Variants in PRKCE observed in about 807,000 individuals in gnomAD.
PRKCE encodes the protein protein kinase C epsilon, also known as protein kinase C epsilon type.
A neutral mutation model predicts 85.4 loss-of-function variants in PRKCE; 16 were observed. The observed-to-expected ratio is 0.19, with a 90% confidence interval of 0.13 to 0.28. PRKCE has a LOEUF of 0.28. Ranked by LOEUF, PRKCE falls within the 10% of genes least tolerant of loss-of-function variation. The probability of loss-of-function intolerance (pLI) is 1.00; values close to 1 mark genes in which losing one functional copy is unlikely to be tolerated. For missense variants in PRKCE, 573 were observed against 975.2 expected (o/e 0.59, Z 5.49); for synonymous variants, 388 against 371.5 (o/e 1.04, Z -0.51).
chr2:45,927,519 G>A (rs1021940491), intron 2 of PRKCE, among the ~76,000 whole-genome samples: 42 of 152,134 alleles, frequency 2.8e-4, no homozygotes, highest in Admixed American at 5.2e-4. Context: ...CTGAGTCCAA[G>A]GGCCATAACT....
chr2:46,120,416 A>T (rs777686711), intron 11 of PRKCE, among the ~76,000 whole-genome samples: 2 of 152,176 alleles, frequency 1.3e-5, no homozygotes, highest in African/African-American at 4.8e-5. Flanking sequence ...GGTCCTCACA[A>T]CAAAGATTTA....
chr2:45,988,258 A>G (rs997582882), intron 6 of PRKCE, among the ~76,000 whole-genome samples: 1 of 152,164 alleles, frequency 6.6e-6, no homozygotes, highest in African/African-American at 2.4e-5. Flanking sequence ...GAAATAGATT[A>G]CAGTATTTTC....
At chr2:46,048,456 G>T (rs969673453) in intron 10 of PRKCE, among the ~76,000 whole-genome samples, 1 of 152,182 alleles carries the variant, frequency 6.6e-6, no homozygotes, top group Admixed American at 6.5e-5. Flanking sequence ...TCCATATGGG[G>T]TTCACTGGGC....
At chr2:46,134,825 C>T (rs765132728) in intron 11 of PRKCE, among the ~76,000 whole-genome samples, 11 of 152,216 alleles carry the variant, frequency 7.2e-5, no homozygotes, top group African/African-American at 7.2e-5. Context: ...AGTGTCACGA[C>T]GGATCGTCAG....
chr2:45,882,470 C>G (rs1260259104), intron 2 of PRKCE, among the ~76,000 whole-genome samples: 1 of 152,326 alleles, frequency 6.6e-6, no homozygotes, highest in East Asian at 1.9e-4. Flanking sequence ...GGGTCCTCCT[C>G]CATTGCTGGG....
chr2:46,157,470 C>G (rs1401146696), intron 13 of PRKCE, among the ~76,000 whole-genome samples: 1 of 152,218 alleles, frequency 6.6e-6, no homozygotes, highest in Admixed American at 6.5e-5. Context: ...CAGGTAGAGG[C>G]CATGGAGGCT....
chr2:45,998,136 GT>G (rs901000373), intron 6 of PRKCE, among the ~76,000 whole-genome samples: 27 of 152,280 alleles, frequency 1.8e-4, no homozygotes, highest in African/African-American at 5.5e-4. Flanking sequence ...ACCGAATGAA[GT>G]TGTTGATAGA....
intron 11 of PRKCE, among the ~76,000 whole-genome samples, chr2:46,133,982 T>C (rs79708734): frequency 0.023 from 3,531 of 152,246 alleles, 74 homozygotes; most frequent in South Asian, 0.068. Flanking sequence ...AAGAGGGTGT[T>C]GCTTGGTTCT....
intron 1 of PRKCE, among the ~76,000 whole-genome samples, chr2:45,730,558 C>T (rs983396797): frequency 1.3e-5 from 2 of 150,764 alleles, no homozygotes; most frequent in African/African-American, 4.9e-5. Context: ...CTCCTGGGTT[C>T]AGGCAATTCT....
At chr2:45,954,806 T>C (rs926314980) in intron 2 of PRKCE, among the ~76,000 whole-genome samples, 1 of 152,216 alleles carries the variant, frequency 6.6e-6, no homozygotes, top group Admixed American at 6.5e-5. Flanking sequence ...AGCTTTTATT[T>C]TGTGAAAAGA....
intron 2 of PRKCE, among the ~76,000 whole-genome samples, chr2:45,908,871 A>C (rs1697179457): frequency 6.6e-6 from 1 of 152,160 alleles, no homozygotes; most frequent in Admixed American, 6.5e-5. Flanking sequence ...TACAGTGGGC[A>C]GATTCATACC....
At chr2:45,949,464 A>G (rs571906713) in intron 2 of PRKCE, among the ~76,000 whole-genome samples, 49 of 106,540 alleles carry the variant, frequency 4.6e-4, no homozygotes, top group Non-Finnish European at 6.4e-4. Context: ...TTTTTAATAT[A>G]CATTGAACTA....
At chr2:46,161,633 G>A (rs993162098) in intron 14 of PRKCE, among the ~76,000 whole-genome samples, 1 of 152,148 alleles carries the variant, frequency 6.6e-6, no homozygotes, top group Non-Finnish European at 1.5e-5. Context: ...CAAGGGGTGT[G>A]AGGAGAGAGA....
intron 1 of PRKCE, among the ~76,000 whole-genome samples, chr2:45,825,928 C>T (rs13406325): frequency 0.092 from 13,822 of 150,126 alleles, 885 homozygotes; most frequent in African/African-American, 0.18. Context: ...TTGGCAGGGA[C>T]GGGGGGATGG....
chr2:45,934,915 G>GC (rs1699319403), intron 2 of PRKCE, among the ~76,000 whole-genome samples: 1 of 150,956 alleles, frequency 6.6e-6, no homozygotes, highest in Non-Finnish European at 1.5e-5. Context: ...ATTTAAATTA[G>GC]CCAGGCATGG....
chr2:45,920,676 C>T (rs1015889679), intron 2 of PRKCE, among the ~76,000 whole-genome samples: 1 of 152,046 alleles, frequency 6.6e-6, no homozygotes, highest in Admixed American at 6.6e-5. Flanking sequence ...ATGTCCAGAA[C>T]AGGGAAATCC....
chr2:45,699,785 A>G (rs770006262), intron 1 of PRKCE, among the ~76,000 whole-genome samples: 1 of 152,058 alleles, frequency 6.6e-6, no homozygotes, highest in Non-Finnish European at 1.5e-5. Flanking sequence ...CTTAGAGGAG[A>G]CTGTGCTGTT....
At chr2:45,988,861 T>G (rs1703563557) in intron 6 of PRKCE, among the ~76,000 whole-genome samples, 1 of 152,184 alleles carries the variant, frequency 6.6e-6, no homozygotes, top group African/African-American at 2.4e-5. Flanking sequence ...CAATCTCAGG[T>G]TCACTGGCAC....
At chr2:45,960,410 C>T (rs1701292479) in intron 2 of PRKCE, among the ~76,000 whole-genome samples, 1 of 152,170 alleles carries the variant, frequency 6.6e-6, no homozygotes, top group Non-Finnish European at 1.5e-5. Context: ...CTTTTGGTAC[C>T]AGGGACTGGT....
Sources: allele counts gnomAD v4.1 joint callset (sites outside exome capture counted in the v4.1 genomes callset), GRCh38; gene constraint gnomAD v4.1.1; transcripts MANE v1.5; gene names NCBI Gene and HGNC (gene_info 2026-07-23, HGNC 2026-07-21).